The following MAPK14 variants were observed in gnomAD, a reference collection of about 807,000 sequenced individuals.
The protein encoded by MAPK14 is mitogen-activated protein kinase 14.
MAPK14 carries 16 observed loss-of-function variants against 49.6 expected under a neutral mutation model. The observed-to-expected ratio is 0.32, with a 90% confidence interval of 0.22 to 0.49. MAPK14 has a LOEUF of 0.49. Among genes scored for constraint, MAPK14 ranks in the 20% least tolerant of loss-of-function variants. The probability of loss-of-function intolerance (pLI) is 0.99; values close to 1 mark genes in which losing one functional copy is unlikely to be tolerated. For synonymous variants in MAPK14, 142 were observed against 158.0 expected, an observed-to-expected ratio of 0.90 and a Z score of 0.76; for missense variants, 200 against 441.2, an observed-to-expected ratio of 0.45 and a Z score of 4.90.
chr6:36,050,254 A>T (rs1763341701), intron 1 of MAPK14, among the ~76,000 whole-genome samples: 1 of 152,206 alleles, frequency 6.6e-6, no homozygotes, highest in Admixed American at 6.5e-5. Flanking sequence ...AGTGCAAGGG[A>T]GTGATTATAA....
At chr6:36,083,461 G>A (rs948134873) in intron 8 of MAPK14, among the ~76,000 whole-genome samples, 8 of 152,212 alleles carry the variant, frequency 5.3e-5, no homozygotes, top group Non-Finnish European at 8.8e-5. Context: ...AGTTCCTTGG[G>A]GGAGGGGTTG....
intron 9 of MAPK14, among the ~76,000 whole-genome samples, chr6:36,102,359 A>G (rs755341415): frequency 1.7e-5 from 2 of 114,302 alleles, no homozygotes; most frequent in Non-Finnish European, 3.6e-5. Context: ...TTGAAATGCA[A>G]CTGTGAGAGA....
rs1764414239 is a variant in MAPK14 at position 36,073,952 on chromosome 6, G to A, written c.448-97G>A. On this transcript the variant is annotated intron_variant, in intron 5 of 11. Coordinates refer to ENST00000229794, the MANE Select transcript of MAPK14 (RefSeq NM_139012.3). ...GGAGATTGTCTTTTGATAGCTGGAT[G>A]AAGTCTTTTATGTCTGGATCCTCAT... 6.1e-6 allele frequency: 6 copies of A among 990,518 alleles called. No homozygotes were observed. In the South Asian group the frequency reaches 8.1e-5, roughly 13 times the overall value. 61.4% of individuals were successfully genotyped at this position (990,518 alleles called of 1,614,324 possible).
intron 8 of MAPK14, among the ~76,000 whole-genome samples, chr6:36,091,194 A>G (rs1337162752): frequency 6.6e-6 from 1 of 151,556 alleles, no homozygotes; most frequent in African/African-American, 2.4e-5. Context: ...AGAACTGACT[A>G]GAATATCCCT....
At chr6:36,045,552 T>TA (rs1245870480) in intron 1 of MAPK14, among the ~76,000 whole-genome samples, 3 of 152,080 alleles carry the variant, frequency 2.0e-5, no homozygotes, top group Admixed American at 1.3e-4. Context: ...CTCACGCCTG[T>TA]AATCCCAGCC....
intron 9 of MAPK14, among the ~76,000 whole-genome samples, chr6:36,101,227 C>A (rs1439940473): frequency 6.6e-6 from 1 of 152,116 alleles, no homozygotes; most frequent in Non-Finnish European, 1.5e-5. Context: ...ATCAGTTGAG[C>A]CCAGGAGTTT....
At chr6:36,032,340 G>T (rs74776359) in intron 1 of MAPK14, among the ~76,000 whole-genome samples, 3,029 of 152,316 alleles carry the variant, frequency 0.02, 53 homozygotes, top group Non-Finnish European at 0.028. Flanking sequence ...AAAGGGTAAA[G>T]GGAACTAGAC....
At chr6:36,089,924 T>A (rs1299181808) in intron 8 of MAPK14, among the ~76,000 whole-genome samples, 1 of 152,216 alleles carries the variant, frequency 6.6e-6, no homozygotes, top group Non-Finnish European at 1.5e-5. Context: ...AAATACCGTT[T>A]TTCTACCAGA....
At chr6:36,111,844 A>G (rs765978791), downstream of MAPK14, among the ~76,000 whole-genome samples, 8 of 152,158 alleles carry the variant, frequency 5.3e-5, no homozygotes, top group Non-Finnish European at 8.8e-5. Flanking sequence ...TTCCATCCCC[A>G]GTGACTTCGT....
At chr6:36,047,337 G>A (rs1763219625) in intron 1 of MAPK14, among the ~76,000 whole-genome samples, 1 of 152,176 alleles carries the variant, frequency 6.6e-6, no homozygotes, top group Admixed American at 6.5e-5. Context: ...GGAACCAGGA[G>A]CAGCCTGTCT....
At chr6:36,047,595 A>G (rs1362632845) in intron 1 of MAPK14, among the ~76,000 whole-genome samples, 1 of 152,154 alleles carries the variant, frequency 6.6e-6, no homozygotes, top group Non-Finnish European at 1.5e-5. Context: ...AGACAGTCTC[A>G]CTGTATCTTC....
chr6:36,059,453 T>C, intron 3 of MAPK14, 106 bp downstream of exon 3: 2 of 804,210 alleles, frequency 2.5e-6, no homozygotes, highest in Non-Finnish European at 4.2e-6. Flanking sequence ...AAAAATTCTT[T>C]ATTCCTATCA....
At chr6:36,047,943 C>G (rs1389249878) in intron 1 of MAPK14, among the ~76,000 whole-genome samples, 1 of 152,026 alleles carries the variant, frequency 6.6e-6, no homozygotes. Context: ...GGGGTTTCAC[C>G]ATGTTGGCCA....
chr6:36,119,718 G>A, the MAPK14 span, among the ~76,000 whole-genome samples: 7 of 152,246 alleles, frequency 4.6e-5, no homozygotes, highest in African/African-American at 1.4e-4. Context: ...TGAGCATCTA[G>A]TGGGTAGAGG....
At chr6:36,068,573 G>T (rs1189401840) in intron 3 of MAPK14, among the ~76,000 whole-genome samples, 1 of 152,162 alleles carries the variant, frequency 6.6e-6, no homozygotes, top group East Asian at 1.9e-4. Context: ...TGGAATAAAT[G>T]GGTTTTTTTG....
chr6:36,103,976 T>C (rs563396988), intron 10 of MAPK14, among the ~76,000 whole-genome samples: 34 of 152,374 alleles, frequency 2.2e-4, no homozygotes, highest in Non-Finnish European at 4.3e-4. Context: ...CTGACAGCCA[T>C]GCTGACCTCT....
intron 8 of MAPK14, among the ~76,000 whole-genome samples, chr6:36,093,547 G>A (rs1252597045): frequency 6.6e-6 from 1 of 151,874 alleles, no homozygotes; most frequent in African/African-American, 2.4e-5. Flanking sequence ...GTGAAACCCC[G>A]TCTCTACTAA....
chr6:36,123,723 AATGCAG>A, the MAPK14 span, among the ~76,000 whole-genome samples: 1 of 152,332 alleles, frequency 6.6e-6, no homozygotes, highest in South Asian at 2.1e-4. Flanking sequence ...CACAGGAGAC[AATGCAG>A]ATTAATATTA....
intron 7 of MAPK14, among the ~76,000 whole-genome samples, chr6:36,076,282 T>A (rs1764529675): frequency 1.3e-5 from 2 of 152,226 alleles, no homozygotes. Flanking sequence ...ACCATTCTAC[T>A]AATAAGAAAC....
Sources: gnomAD v4.1 joint callset for allele counts (sites outside exome capture counted in the v4.1 genomes callset) on GRCh38, gnomAD v4.1.1 for gene constraint, MANE v1.5 for transcripts, NCBI Gene and HGNC (gene_info 2026-07-23, HGNC 2026-07-21) for gene names.